Variants in LOC400499 observed in about 807,000 individuals in gnomAD.
chr16:11,495,692 T>C, the LOC400499 span, among the ~76,000 whole-genome samples: 2 of 152,180 alleles, frequency 1.3e-5, no homozygotes, highest in South Asian at 4.1e-4. Context: ...GACCAACAAA[T>C]CTTAGTAAAC....
chr16:11,450,820 C>A, the LOC400499 span: 2 of 1,525,058 alleles, frequency 1.3e-6, no homozygotes, highest in Non-Finnish European at 1.8e-6. Context: ...GTTCAAGGCT[C>A]CTGCAAGCAA....
chr16:11,417,188 A>G, the LOC400499 span, among the ~76,000 whole-genome samples: 1 of 152,026 alleles, frequency 6.6e-6, no homozygotes, highest in Non-Finnish European at 1.5e-5. Flanking sequence ...TTAAGTAAAA[A>G]CAAGGTCATA....
chr16:11,431,058 C>T, the LOC400499 span: 7 of 399,112 alleles, frequency 1.8e-5, no homozygotes, highest in South Asian at 8.9e-4. Flanking sequence ...TCTCCTTCTG[C>T]TTCAGCCTTC....
At chr16:11,392,840 G>A in the LOC400499 span, 1 of 976,202 alleles carries the variant, frequency 1.0e-6, no homozygotes, top group South Asian at 4.7e-5. Context: ...ACCCCACCAG[G>A]TTTTTTCGTT....
chr16:11,495,671 T>G, the LOC400499 span, among the ~76,000 whole-genome samples: 70 of 152,216 alleles, frequency 4.6e-4, no homozygotes, highest in East Asian at 0.01. Flanking sequence ...TGAGCCACCG[T>G]GCCTAGTCTA....
At chr16:11,424,142 G>GAGGC in the LOC400499 span, 1 of 399,464 alleles carries the variant, frequency 2.5e-6, no homozygotes, top group African/African-American at 2.1e-5. Context: ...AGGAGAAGGG[G>GAGGC]AGGCCCCAGT....
the LOC400499 span, among the ~76,000 whole-genome samples, chr16:11,420,637 T>G: frequency 1.0e-5 from 1 of 96,646 alleles, no homozygotes; most frequent in Non-Finnish European, 1.9e-5. Flanking sequence ...TTCAGTGAAA[T>G]CTCCACCACC....
the LOC400499 span, among the ~76,000 whole-genome samples, chr16:11,507,886 A>T: frequency 1.3e-5 from 2 of 152,022 alleles, no homozygotes; most frequent in Non-Finnish European, 2.9e-5. Context: ...GTGAGCCATG[A>T]TTTCACCACT....
chr16:11,453,636 T>G, the LOC400499 span, among the ~76,000 whole-genome samples: 1 of 151,880 alleles, frequency 6.6e-6, no homozygotes, highest in African/African-American at 2.4e-5. Flanking sequence ...GGAAATCGGC[T>G]CTTGAACAGA....
chr16:11,477,760 A>T, the LOC400499 span: 1 of 398,008 alleles, frequency 2.5e-6, no homozygotes, highest in Non-Finnish European at 4.4e-6. Flanking sequence ...AGGCCTCTGC[A>T]GCCCTCTGTA....
At chr16:11,433,662 C>G in the LOC400499 span, among the ~76,000 whole-genome samples, 1 of 152,260 alleles carries the variant, frequency 6.6e-6, no homozygotes, top group East Asian at 1.9e-4. Flanking sequence ...GAGGTTGGAA[C>G]TTTCAGCCCC....
the LOC400499 span, among the ~76,000 whole-genome samples, chr16:11,524,199 C>A: frequency 1.1e-5 from 1 of 92,730 alleles, no homozygotes; most frequent in Non-Finnish European, 2.2e-5. Flanking sequence ...CACCCACTAC[C>A]CTCTCCTATC....
At chr16:11,387,712 C>A in the LOC400499 span, among the ~76,000 whole-genome samples, 1 of 152,148 alleles carries the variant, frequency 6.6e-6, no homozygotes, top group Non-Finnish European at 1.5e-5. Context: ...ACTGCAACCT[C>A]TGCCTCCCGG....
At chr16:11,372,687 T>G in the LOC400499 span, 1 of 929,876 alleles carries the variant, frequency 1.1e-6, no homozygotes, top group Non-Finnish European at 1.3e-6. Flanking sequence ...CAGTAGAAGG[T>G]GAAGGAGTTT....
the LOC400499 span, among the ~76,000 whole-genome samples, chr16:11,449,546 C>T: frequency 5.9e-5 from 9 of 152,272 alleles, no homozygotes; most frequent in African/African-American, 2.2e-4. Flanking sequence ...CATTTGCAGC[C>T]GCCACCCTGG....
chr16:11,458,623 G>A, the LOC400499 span, among the ~76,000 whole-genome samples: 70 of 152,316 alleles, frequency 4.6e-4, no homozygotes, highest in Admixed American at 2.6e-3. Flanking sequence ...AGGAGAGAAT[G>A]GGGAGTCAGC....
At chr16:11,414,576 C>T in the LOC400499 span, 1 of 399,378 alleles carries the variant, frequency 2.5e-6, no homozygotes. Flanking sequence ...AGGAACACAC[C>T]AGACTACATG....
the LOC400499 span, among the ~76,000 whole-genome samples, chr16:11,442,747 A>G: frequency 1.3e-5 from 2 of 152,230 alleles, no homozygotes; most frequent in Admixed American, 1.3e-4. Flanking sequence ...TAAGCAGACC[A>G]AACAAAACCC....
At chr16:11,433,333 G>A in the LOC400499 span, among the ~76,000 whole-genome samples, 2 of 152,160 alleles carry the variant, frequency 1.3e-5, no homozygotes, top group Non-Finnish European at 2.9e-5. Flanking sequence ...CTGAAGACAA[G>A]GTTATCTAGG....
Sources: gnomAD v4.1 joint callset for allele counts (sites outside exome capture counted in the v4.1 genomes callset) on GRCh38, gnomAD v4.1.1 for gene constraint, MANE v1.5 for transcripts.